Variants in SLC4A7 observed in about 807,000 individuals in gnomAD.
SLC4A7 encodes the protein sodium bicarbonate cotransporter 3.
In SLC4A7, 51 loss-of-function variants were observed where a neutral mutation model predicts 137.6. The observed-to-expected ratio is 0.37, with a 90% CI of 0.30 to 0.47. SLC4A7 has a LOEUF of 0.47. Ranked by LOEUF, SLC4A7 falls within the 20% of genes least tolerant of loss-of-function variation. The pLI is 1.00. For missense variants in SLC4A7, 1,247 were observed against 1,525.4 expected, an observed-to-expected ratio of 0.82 and a Z score of 3.04; for synonymous variants, 542 against 518.6, an observed-to-expected ratio of 1.05 and a Z score of -0.61.
chr3:27,436,402 A>G lies in SLC4A7; in HGVS notation c.575T>C (p.Leu192Pro), dbSNP rs2056744554. Residue 192 changes from leucine (L) to proline (P), a missense_variant, in exon 5 of 26, where the codon CTA (leucine) becomes CCA (proline). By Grantham distance (98) the Leu-to-Pro change is moderately conservative. Transcript: ENST00000454389. ...TTTACTATAACCTGCTATTTCATCT[A>G]GAGTGCTTGCTCTCATATCCAGCAT... is the stretch of plus-strand genomic sequence containing the variant. ...TVMLDMRAST[L>P]DEIADMVLDN... 1 of 1,611,208 alleles carries G rather than the reference A, an allele frequency of 6.2e-7. No individual in the cohort carries two copies. The highest frequency in any genetic ancestry group is 1.3e-5 in the African/African-American group (1 of 74,842).
chr3:27,424,265 G>A (rs1267351989), intron 7 of SLC4A7, 113 bp from the exon 8 acceptor site: 2 of 544,208 alleles, frequency 3.7e-6, no homozygotes, highest in South Asian at 3.1e-5. Context: ...AAATGTGCAA[G>A]GTTAAAAAAA....
chr3:27,403,105 C>T lies in SLC4A7; in HGVS notation c.2321+34G>A, dbSNP rs2052954833. On this transcript the variant is annotated intron_variant, in intron 15 of 25. Transcript: ENST00000454389. The stretch of plus-strand genomic sequence containing the variant: ...AGGCTCTGACATCTCTGTAAAAACA[C>T]ATTTTAATATTAGGAGAAAAGAGAA... 6.4e-6 allele frequency: 10 copies of T among 1,572,902 alleles called. No homozygotes were observed. In the East Asian group the frequency reaches 2.0e-4, roughly 32 times the overall value.
intron 1 of SLC4A7, among the ~76,000 whole-genome samples, chr3:27,474,031 A>G (rs900200940): frequency 7.9e-5 from 12 of 152,198 alleles, no homozygotes; most frequent in Admixed American, 6.5e-5. Context: ...CAGAATAACA[A>G]CTAGAAACTA....
At chr3:27,379,860 AG>A (rs1433614717) in intron 24 of SLC4A7, among the ~76,000 whole-genome samples, 1 of 152,238 alleles carries the variant, frequency 6.6e-6, no homozygotes, top group African/African-American at 2.4e-5. Context: ...ATCATTATAA[AG>A]AATGCTTGGA....
At chr3:27,397,829 C>T (rs1466245140) in intron 17 of SLC4A7, 32 bp from the exon 18 acceptor site, 6 of 1,190,232 alleles carry the variant, frequency 5.0e-6, no homozygotes, top group Admixed American at 3.9e-5. Flanking sequence ...AATATAAACA[C>T]AGAAATACTA....
chr3:27,392,187 T>C (rs1292106453), intron 20 of SLC4A7, among the ~76,000 whole-genome samples: 1 of 152,228 alleles, frequency 6.6e-6, no homozygotes, highest in East Asian at 1.9e-4. Flanking sequence ...GTGACAACCA[T>C]TGTCATTGCT....
chr3:27,459,424 A>C (rs2058576563), intron 1 of SLC4A7, among the ~76,000 whole-genome samples: 1 of 152,178 alleles, frequency 6.6e-6, no homozygotes, highest in Admixed American at 6.5e-5. Flanking sequence ...TAAAAATATA[A>C]AGTAACTCAA....
At chr3:27,403,496 G>T in intron 14 of SLC4A7, 112 bp from the exon 15 acceptor site, 1 of 632,184 alleles carries the variant, frequency 1.6e-6, no homozygotes, top group Non-Finnish European at 2.7e-6. Flanking sequence ...TCCTAAAAGA[G>T]AATGAATTAC....
chr3:27,413,126 T>C (rs1045712080), intron 11 of SLC4A7, among the ~76,000 whole-genome samples: 1 of 152,180 alleles, frequency 6.6e-6, no homozygotes, highest in African/African-American at 2.4e-5. Context: ...GCACATTTTA[T>C]ATACATACAC....
intron 7 of SLC4A7, among the ~76,000 whole-genome samples, chr3:27,427,095 G>A (rs899269638): frequency 6.6e-6 from 1 of 152,086 alleles, no homozygotes; most frequent in African/African-American, 2.4e-5. Flanking sequence ...ACCCCCAAGG[G>A]ACTTGTGACA....
chr3:27,456,191 A>C (rs2058396691), intron 1 of SLC4A7, among the ~76,000 whole-genome samples: 1 of 152,214 alleles, frequency 6.6e-6, no homozygotes, highest in Non-Finnish European at 1.5e-5. Flanking sequence ...TAAGGTTTAC[A>C]AAAATCCATT....
intron 22 of SLC4A7, among the ~76,000 whole-genome samples, chr3:27,386,245 C>A (rs2050941334): frequency 6.7e-6 from 1 of 149,938 alleles, no homozygotes. Flanking sequence ...AAGGAAATGG[C>A]ATTCTTAACC....
At chr3:27,461,062 C>G (rs1283160306) in intron 1 of SLC4A7, among the ~76,000 whole-genome samples, 1 of 152,014 alleles carries the variant, frequency 6.6e-6, no homozygotes, top group Non-Finnish European at 1.5e-5. Context: ...TCACTTGTTA[C>G]GCGAGCTGCA....
intron 3 of SLC4A7, among the ~76,000 whole-genome samples, chr3:27,446,885 G>GT (rs796773901): frequency 2.5e-4 from 9 of 35,758 alleles, no homozygotes; most frequent in Non-Finnish European, 3.6e-4. Flanking sequence ...GTTTTTTTTT[G>GT]TTTTTTTTGT....
intron 7 of SLC4A7, among the ~76,000 whole-genome samples, chr3:27,429,153 C>A (rs1348301024): frequency 6.6e-6 from 1 of 151,896 alleles, no homozygotes; most frequent in East Asian, 1.9e-4. Context: ...GTAGTCCCAG[C>A]TACTTGGCAG....
chr3:27,428,309 A>T (rs2055871983), intron 7 of SLC4A7: 1 of 154,340 alleles, frequency 6.5e-6, no homozygotes, highest in African/African-American at 2.4e-5. Context: ...AACATCTCCA[A>T]GTCTTTTTTC....
chr3:27,436,109 C>A (rs115534080), intron 5 of SLC4A7, among the ~76,000 whole-genome samples: 2 of 152,042 alleles, frequency 1.3e-5, no homozygotes, highest in Non-Finnish European at 2.9e-5. Context: ...GTGGCTATTC[C>A]CCACATCCCC....
intron 25 of SLC4A7, 26 bp from the exon 26 acceptor site, chr3:27,376,871 A>G (rs772273587): frequency 1.7e-6 from 2 of 1,173,076 alleles, no homozygotes; most frequent in African/African-American, 3.2e-5. Flanking sequence ...AATTAAAATA[A>G]ATAATTTTAA....
At chr3:27,456,659 T>A in intron 1 of SLC4A7, 1 of 1,603,686 alleles carries the variant, frequency 6.2e-7, no homozygotes, top group African/African-American at 1.3e-5. Flanking sequence ...ACAGGTAACT[T>A]CTTCTCCAGA....
Sources: gnomAD v4.1 joint callset for allele counts (sites outside exome capture counted in the v4.1 genomes callset) on GRCh38, gnomAD v4.1.1 for gene constraint, MANE v1.5 for transcripts, NCBI Gene and HGNC (gene_info 2026-07-23, HGNC 2026-07-21) for gene names.